The following ADK variants were observed in gnomAD, a reference collection of about 807,000 sequenced individuals.
ADK encodes the protein adenosine kinase.
A neutral mutation model predicts 44.7 loss-of-function variants in ADK; 24 were observed. The ratio of observed to expected loss-of-function variants is 0.54; its 90% CI spans 0.39 to 0.76. The LOEUF (loss-of-function observed/expected upper bound fraction) is 0.76, where lower values mean the gene tolerates loss of function less well. ADK is among the 30% of genes least tolerant of loss of function. ADK has a pLI of 0.00. For missense variants in ADK, 321 were observed against 425.1 expected (o/e 0.76, Z 2.15); for synonymous variants, 128 against 142.6 (o/e 0.90, Z 0.73).
intron 6 of ADK, among the ~76,000 whole-genome samples, chr10:74,484,863 T>C (rs188384139): frequency 6.6e-6 from 1 of 152,328 alleles, no homozygotes; most frequent in East Asian, 1.9e-4. Context: ...AAATCAAATT[T>C]CTGTTTTATA....
intron 7 of ADK, among the ~76,000 whole-genome samples, chr10:74,584,259 CA>C: frequency 6.6e-6 from 1 of 152,266 alleles, no homozygotes; most frequent in Middle Eastern, 3.4e-3. Flanking sequence ...AACTTGAATT[CA>C]ATAGGCAAAA....
intron 4 of ADK, among the ~76,000 whole-genome samples, chr10:74,367,032 AGTTT>A (rs1166826375): frequency 5.3e-5 from 8 of 152,236 alleles, no homozygotes; most frequent in Non-Finnish European, 1.0e-4. Flanking sequence ...GCTCTAAATT[AGTTT>A]ATGTCTTGCT....
chr10:74,248,303 G>T (rs1345937105), intron 3 of ADK, among the ~76,000 whole-genome samples: 1 of 152,102 alleles, frequency 6.6e-6, no homozygotes, highest in Admixed American at 6.6e-5. Flanking sequence ...TTGACTGTTA[G>T]TAGGAGTACT....
chr10:74,381,289 T>A (rs1023327580), intron 4 of ADK, among the ~76,000 whole-genome samples: 1 of 152,264 alleles, frequency 6.6e-6, no homozygotes, highest in African/African-American at 2.4e-5. Flanking sequence ...AAATTACTTT[T>A]CTAATCTGTA....
At chr10:74,593,999 T>C (rs1200279799) in intron 8 of ADK, among the ~76,000 whole-genome samples, 1 of 152,170 alleles carries the variant, frequency 6.6e-6, no homozygotes, top group Non-Finnish European at 1.5e-5. Context: ...TATTTCTTGT[T>C]CTAGATCCTT....
chr10:74,586,236 G>A (rs1851521290), intron 7 of ADK, among the ~76,000 whole-genome samples: 1 of 152,172 alleles, frequency 6.6e-6, no homozygotes, highest in Non-Finnish European at 1.5e-5. Flanking sequence ...GTGACTTGGG[G>A]CACCAGTCCA....
intron 3 of ADK, among the ~76,000 whole-genome samples, chr10:74,260,170 C>T (rs533862265): frequency 6.6e-6 from 1 of 152,190 alleles, no homozygotes; most frequent in South Asian, 2.1e-4. Flanking sequence ...TCTGTTCCCA[C>T]TCCCCCCAAA....
At chr10:74,216,004 C>G (rs942903723) in intron 2 of ADK, among the ~76,000 whole-genome samples, 1 of 152,044 alleles carries the variant, frequency 6.6e-6, no homozygotes, top group African/African-American at 2.4e-5. Context: ...ATTTGATACC[C>G]CTTTTATTCA....
chr10:74,283,333 T>TGG (rs1246400029), intron 3 of ADK, among the ~76,000 whole-genome samples: 1 of 151,866 alleles, frequency 6.6e-6, no homozygotes, highest in East Asian at 1.9e-4. Flanking sequence ...GCTTCCTGTT[T>TGG]GGCTTCTTCC....
intron 6 of ADK, among the ~76,000 whole-genome samples, chr10:74,519,690 A>C (rs975281977): frequency 2.0e-5 from 3 of 151,924 alleles, no homozygotes; most frequent in African/African-American, 4.8e-5. Context: ...CTAGAGAGGA[A>C]TATTTCTCTA....
intron 10 of ADK, among the ~76,000 whole-genome samples, chr10:74,699,298 C>T (rs920000951): frequency 6.6e-6 from 1 of 151,664 alleles, no homozygotes; most frequent in Non-Finnish European, 1.5e-5. Context: ...GTATTTGTAT[C>T]TATTAATAGC....
chr10:74,564,063 T>A (rs975279026), intron 7 of ADK, among the ~76,000 whole-genome samples: 1 of 108,862 alleles, frequency 9.2e-6, no homozygotes, highest in African/African-American at 3.5e-5. Flanking sequence ...CCCACAACAG[T>A]CCCCAGAGTG....
At chr10:74,352,054 T>TAA (rs879358173) in intron 4 of ADK, among the ~76,000 whole-genome samples, 3 of 142,802 alleles carry the variant, frequency 2.1e-5, no homozygotes, top group African/African-American at 5.2e-5. Context: ...TTCGCAGAGT[T>TAA]AAAAAAAAAA....
chr10:74,373,184 C>T (rs891325776), intron 4 of ADK, among the ~76,000 whole-genome samples: 5 of 151,364 alleles, frequency 3.3e-5, no homozygotes, highest in Non-Finnish European at 7.4e-5. Flanking sequence ...GAATTAAAGA[C>T]TTAAATGTAA....
chr10:74,393,378 A>G (rs1032750859), intron 4 of ADK, among the ~76,000 whole-genome samples: 1 of 152,170 alleles, frequency 6.6e-6, no homozygotes, highest in African/African-American at 2.4e-5. Flanking sequence ...TGTGAAACAT[A>G]TGCATCTTAC....
At chr10:74,452,472 A>C (rs941704740) in intron 6 of ADK, among the ~76,000 whole-genome samples, 3 of 152,090 alleles carry the variant, frequency 2.0e-5, no homozygotes, top group Non-Finnish European at 4.4e-5. Context: ...GAAGCCATGA[A>C]TTTGTAAATT....
In ADK at chr10:74,317,446, G is replaced by A. The variant is rs118012638; in HGVS notation, c.273+2701G>A. 1.1e-3 allele frequency among the ~76,000 whole-genome samples: 162 copies of A among 151,824 alleles called. 3 individuals are homozygous for A. The East Asian group carries it at 0.031, about 29-fold the overall frequency. Reference sequence around the variant, plus strand: ...TTTGACTTGAAAGAAATGGAAAAACGTTGGCATTGTGACTCATGCCTGTAA... The same window carrying A: ...TTTGACTTGAAAGAAATGGAAAAACATTGGCATTGTGACTCATGCCTGTAA... On this transcript the variant is annotated intron_variant, in intron 4 of 10. Coordinates refer to ENST00000539909, the MANE Select transcript of ADK (RefSeq NM_006721.4).
chr10:74,588,457 T>C (rs1851603707), intron 7 of ADK, among the ~76,000 whole-genome samples: 1 of 152,230 alleles, frequency 6.6e-6, no homozygotes, highest in South Asian at 2.1e-4. Flanking sequence ...TCCTACCCTA[T>C]GAATGTTTTC....
chr10:74,219,036 A>G (rs1303698514), intron 2 of ADK, among the ~76,000 whole-genome samples: 1 of 152,118 alleles, frequency 6.6e-6, no homozygotes, highest in Non-Finnish European at 1.5e-5. Flanking sequence ...TTTAAATGTA[A>G]ATGGACTAAA....
Sources: gnomAD v4.1 joint callset for allele counts (sites outside exome capture counted in the v4.1 genomes callset) on GRCh38, gnomAD v4.1.1 for gene constraint, MANE v1.5 for transcripts, NCBI Gene and HGNC (gene_info 2026-07-23, HGNC 2026-07-21) for gene names.